ZDHHC14: variants seen among roughly 807,000 people sequenced by gnomAD.
ZDHHC14 encodes the protein palmitoyltransferase ZDHHC14.
ZDHHC14 carries 16 observed loss-of-function variants against 47.7 expected under a neutral mutation model. The observed-to-expected ratio is 0.34, with a 90% confidence interval of 0.23 to 0.51. The LOEUF (loss-of-function observed/expected upper bound fraction) is 0.51. ZDHHC14 is among the 20% of genes least tolerant of loss of function. The probability of loss-of-function intolerance (pLI) is 0.97; values close to 1 mark genes in which losing one functional copy is unlikely to be tolerated. For missense variants in ZDHHC14, 515 were observed against 662.5 expected, an observed-to-expected ratio of 0.78 and a Z score of 2.44; for synonymous variants, 293 against 278.9, an observed-to-expected ratio of 1.05 and a Z score of -0.50.
At chr6:157,597,329 G>C (rs181263892) in intron 3 of ZDHHC14, among the ~76,000 whole-genome samples, 1 of 152,156 alleles carries the variant, frequency 6.6e-6, no homozygotes, top group Admixed American at 6.5e-5. Flanking sequence ...GGTGCATGCT[G>C]CCCTCGTTTT....
chr6:157,393,691 G>T (rs1562407742), intron 1 of ZDHHC14, among the ~76,000 whole-genome samples: 1 of 152,068 alleles, frequency 6.6e-6, no homozygotes, highest in Admixed American at 6.6e-5. Flanking sequence ...ACCATCTCTG[G>T]TGGTATAAGA....
chr6:157,447,298 T>A (rs1171638498), intron 1 of ZDHHC14, among the ~76,000 whole-genome samples: 1 of 152,222 alleles, frequency 6.6e-6, no homozygotes, highest in Admixed American at 6.5e-5. Flanking sequence ...TGTGTCTCCC[T>A]GTGGGGTGAG....
At chr6:157,557,700 T>C (rs1782531515) in intron 2 of ZDHHC14, among the ~76,000 whole-genome samples, 1 of 152,166 alleles carries the variant, frequency 6.6e-6, no homozygotes, top group African/African-American at 2.4e-5. Context: ...TCTGCAGACT[T>C]CCTCGTTTCA....
At chr6:157,636,175 C>T (rs895931627) in intron 5 of ZDHHC14, among the ~76,000 whole-genome samples, 1 of 148,958 alleles carries the variant, frequency 6.7e-6, no homozygotes, top group African/African-American at 2.5e-5. Flanking sequence ...CATCCCTCAT[C>T]GCACAGGTCA....
intron 1 of ZDHHC14, among the ~76,000 whole-genome samples, chr6:157,391,318 A>G (rs1263367716): frequency 1.3e-5 from 2 of 152,204 alleles, no homozygotes; most frequent in African/African-American, 4.8e-5. Context: ...TCTTCCCTGT[A>G]CAGCTGCTGT....
chr6:157,421,765 G>A (rs1343163917), intron 1 of ZDHHC14, among the ~76,000 whole-genome samples: 5 of 151,836 alleles, frequency 3.3e-5, no homozygotes, highest in African/African-American at 7.3e-5. Flanking sequence ...CCACCATGAC[G>A]CCCGGCTAAT....
At chr6:157,546,859 C>T (rs1437406639) in intron 2 of ZDHHC14, among the ~76,000 whole-genome samples, 1 of 152,198 alleles carries the variant, frequency 6.6e-6, no homozygotes, top group Non-Finnish European at 1.5e-5. Flanking sequence ...TCTTCCCACC[C>T]GTTCCACCGT....
At chr6:157,459,722 C>A (rs1176461795) in intron 1 of ZDHHC14, among the ~76,000 whole-genome samples, 2 of 152,088 alleles carry the variant, frequency 1.3e-5, no homozygotes, top group African/African-American at 4.8e-5. Context: ...AGCTAATGAG[C>A]AAGGTGTCCA....
At chr6:157,422,409 C>T (rs1778128523) in intron 1 of ZDHHC14, among the ~76,000 whole-genome samples, 2 of 152,100 alleles carry the variant, frequency 1.3e-5, no homozygotes, top group Non-Finnish European at 2.9e-5. Flanking sequence ...GGATTCTGTA[C>T]TTCCATCCCA....
intron 3 of ZDHHC14, among the ~76,000 whole-genome samples, chr6:157,600,183 A>G (rs1271544342): frequency 1.3e-5 from 2 of 152,206 alleles, no homozygotes; most frequent in Non-Finnish European, 2.9e-5. Flanking sequence ...ACCTTACAAA[A>G]ATAACATGCA....
At chr6:157,391,211 G>A (rs1247433250) in intron 1 of ZDHHC14, among the ~76,000 whole-genome samples, 1 of 152,152 alleles carries the variant, frequency 6.6e-6, no homozygotes, top group Non-Finnish European at 1.5e-5. Context: ...ACCAAACAGT[G>A]GAAGATTTCT....
intron 1 of ZDHHC14, among the ~76,000 whole-genome samples, chr6:157,424,160 A>G (rs1472759387): frequency 1.3e-5 from 2 of 152,226 alleles, no homozygotes; most frequent in Non-Finnish European, 2.9e-5. Context: ...AGAGGCAGCC[A>G]CTGTGTGATA....
intron 2 of ZDHHC14, among the ~76,000 whole-genome samples, chr6:157,553,605 C>T (rs1043675427): frequency 6.6e-6 from 1 of 151,366 alleles, no homozygotes. Flanking sequence ...ACCTTTCTCA[C>T]TTCTTTACTT....
chr6:157,438,313 T>C (rs1778486273), intron 1 of ZDHHC14, among the ~76,000 whole-genome samples: 1 of 152,240 alleles, frequency 6.6e-6, no homozygotes, highest in Non-Finnish European at 1.5e-5. Flanking sequence ...GGATTGTTTT[T>C]CAAATGGAGT....
intron 1 of ZDHHC14, among the ~76,000 whole-genome samples, chr6:157,511,691 G>A (rs754847612): frequency 6.6e-6 from 1 of 151,988 alleles, no homozygotes; most frequent in Non-Finnish European, 1.5e-5. Flanking sequence ...ACCGCGCCCG[G>A]CCCACATTTT....
chr6:157,571,406 A>G (rs1474581037), intron 2 of ZDHHC14, among the ~76,000 whole-genome samples: 3 of 152,182 alleles, frequency 2.0e-5, no homozygotes, highest in Non-Finnish European at 4.4e-5. Context: ...TGTTTTGTAT[A>G]CTGAGGTTCT....
chr6:157,641,742 C>A (rs1182357509), intron 5 of ZDHHC14, among the ~76,000 whole-genome samples: 10 of 152,184 alleles, frequency 6.6e-5, no homozygotes, highest in Admixed American at 6.5e-5. Context: ...GTCTTATATC[C>A]TTACCCCAAA....
intron 1 of ZDHHC14, among the ~76,000 whole-genome samples, chr6:157,421,988 A>G (rs768844133): frequency 7.9e-5 from 12 of 152,204 alleles, no homozygotes; most frequent in Non-Finnish European, 1.8e-4. Context: ...TCTAGGCTTC[A>G]AGAGCCTCAT....
chr6:157,642,066 ATAGT>A (rs201660327), intron 5 of ZDHHC14, among the ~76,000 whole-genome samples: 1 of 147,714 alleles, frequency 6.8e-6, no homozygotes, highest in Non-Finnish European at 1.5e-5. Flanking sequence ...AGATAGATAG[ATAGT>A]TATCATGTTG....
Sources: allele counts gnomAD v4.1 joint callset (sites outside exome capture counted in the v4.1 genomes callset), GRCh38; gene constraint gnomAD v4.1.1; transcripts MANE v1.5; gene names NCBI Gene and HGNC (gene_info 2026-07-23, HGNC 2026-07-21).